The following NEXN variants were observed in gnomAD, a reference collection of about 807,000 sequenced individuals.
NEXN encodes the protein nexilin.
NEXN carries 65 observed loss-of-function variants against 92.6 expected under a neutral mutation model. The ratio of observed to expected loss-of-function variants is 0.70; its 90% CI spans 0.57 to 0.86. The LOEUF (loss-of-function observed/expected upper bound fraction) is 0.86. Among genes scored for constraint, NEXN ranks in the 40% least tolerant of loss-of-function variants. The probability of loss-of-function intolerance (pLI) is 0.00; values close to 1 mark genes in which losing one functional copy is unlikely to be tolerated. For synonymous variants in NEXN, 254 were observed against 242.5 expected (o/e 1.05, Z -0.44); for missense variants, 778 against 771.1 (o/e 1.01, Z -0.11).
chr1:77,925,191 G>A lies in NEXN; in HGVS notation c.451G>A (p.Glu151Lys). The change falls in exon 6 of 13, where the codon GAG becomes AAG. Residue 151 changes from glutamate to lysine, a missense_variant. Physicochemically the swap from Glu to Lys is moderately conservative, Grantham distance 56. Coordinates refer to ENST00000334785, the MANE Select transcript of NEXN (RefSeq NM_144573.4). ...RELAKRAEQI[E>K]DINNTGTESA... is the part of the protein sequence containing the mutation. ...ATATGAAATTCTCATTCAATAGATT[G>A]AGGACATAAACAATACGGGAACTGA... 1 of 1,593,936 alleles carries A rather than the reference G, an allele frequency of 6.3e-7. No individual in the cohort carries two copies. The highest frequency in any genetic ancestry group is 8.6e-7 in the Non-Finnish European group (1 of 1,163,998).
intron 1 of NEXN, among the ~76,000 whole-genome samples, chr1:77,895,110 T>A (rs1647200876): frequency 7.7e-6 from 1 of 129,196 alleles, no homozygotes; most frequent in Admixed American, 9.1e-5. Flanking sequence ...AGTGGCACAA[T>A]CTCAGCTCAC....
chr1:77,924,225 G>A, intron 5 of NEXN: 1 of 167,788 alleles, frequency 6.0e-6, no homozygotes, highest in Non-Finnish European at 1.3e-5. Flanking sequence ...AGCCAGGCGT[G>A]ATGGTGCACA....
intron 1 of NEXN, among the ~76,000 whole-genome samples, chr1:77,912,724 TG>T (rs1430941729): frequency 2.0e-5 from 3 of 152,346 alleles, no homozygotes; most frequent in Middle Eastern, 3.4e-3. Flanking sequence ...CAAATGGTGC[TG>T]GAACAACTGG....
At position 77,888,690 on chromosome 1, in the gene NEXN, A is replaced by C. The variant is rs1571047088; in HGVS notation, c.-122A>C. 1 of 156,402 alleles carries C rather than the reference A, an allele frequency of 6.4e-6. No homozygotes were observed. Among genetic ancestry groups the C allele is most frequent in the South Asian group, 1.6e-4 (1 of 6,162 alleles). The allele number at this position is 156,402 out of a possible 1,614,324, so 9.7% of individuals were successfully genotyped here. A position where few individuals can be genotyped will look rare whatever the true frequency, so the allele number is the denominator to read the frequency against. ...CCAGAGCTCCCAGACCCCTACCCACAGCCAGGCGGGACGCGCACAGTCCCT... is the reference window on the plus strand; with the variant it reads ...CCAGAGCTCCCAGACCCCTACCCACCGCCAGGCGGGACGCGCACAGTCCCT... On this transcript the variant is annotated 5_prime_UTR_variant, in exon 1 of 13. Coordinates refer to ENST00000334785, the MANE Select transcript of NEXN (RefSeq NM_144573.4).
At chr1:77,921,370 A>C (rs1011144474) in intron 5 of NEXN, among the ~76,000 whole-genome samples, 1 of 152,210 alleles carries the variant, frequency 6.6e-6, no homozygotes, top group Non-Finnish European at 1.5e-5. Flanking sequence ...AATAAAAGAA[A>C]GTTGAGTTAA....
At chr1:77,906,927 T>G (rs1236467073) in intron 1 of NEXN, among the ~76,000 whole-genome samples, 1 of 152,090 alleles carries the variant, frequency 6.6e-6, no homozygotes, top group Non-Finnish European at 1.5e-5. Context: ...GGATAACAAG[T>G]GTGAGCCATA....
rs772491358 is a variant in NEXN at position 77,933,322 on chromosome 1, C to G, written c.1094C>G (p.Ser365Cys). Residue 365 changes from serine to cysteine, a missense_variant, in exon 10 of 13, where the codon TCT becomes TGT. Ser to Cys is a moderately radical substitution (Grantham distance 112, BLOSUM62 -1). This residue lies in a region of NEXN where 532 missense variants were observed against 476.7 expected (regional missense o/e 1.12). Transcript: ENST00000334785. ...DDSPEMYKTISQEFLTPGKLE... is the reference protein window; with the variant it reads ...DDSPEMYKTICQEFLTPGKLE... The stretch of plus-strand genomic sequence containing the variant: ...TCCCCAGAGATGTATAAGACAATCT[C>G]TCAAGAATTTCTTACACCGGGAAAA... The G allele has an allele frequency of 6.2e-7, 1 of 1,608,092 alleles. No individual in the cohort carries two copies.
intron 11 of NEXN, among the ~76,000 whole-genome samples, chr1:77,937,856 G>A (rs1338302707): frequency 1.3e-5 from 2 of 152,146 alleles, no homozygotes; most frequent in Non-Finnish European, 2.9e-5. Flanking sequence ...ACAATTATCA[G>A]GTGGTTAACA....
rs181825949 is a variant in NEXN, at chr1:77,908,513, G to A, written c.-52-7542G>A. On this transcript the variant is annotated intron_variant, in intron 1 of 12. Transcript: ENST00000334785. Reference sequence around the variant, plus strand: ...CCTCCCGGGTTCAAGCAATTCTCCTGCCTCAGCCTCCCGAGTAGCTGGGAT... The same window carrying A: ...CCTCCCGGGTTCAAGCAATTCTCCTACCTCAGCCTCCCGAGTAGCTGGGAT... Among the ~76,000 whole-genome samples the A allele has an allele frequency of 2.7e-3, 409 of 149,210 alleles. 3 individuals carry two copies. The highest frequency in any genetic ancestry group is 0.01 in the East Asian group (51 of 5,034).
At chr1:77,910,635 C>T (rs1055932770) in intron 1 of NEXN, among the ~76,000 whole-genome samples, 3 of 150,876 alleles carry the variant, frequency 2.0e-5, no homozygotes, top group African/African-American at 7.3e-5. Context: ...CCTGTAGTCC[C>T]AGCTACTCGG....
intron 11 of NEXN, among the ~76,000 whole-genome samples, chr1:77,938,937 A>T (rs1651022488): frequency 6.6e-6 from 1 of 152,212 alleles, no homozygotes; most frequent in Non-Finnish European, 1.5e-5. Context: ...AGTTAATGAA[A>T]GTCTTTTTAA....
chr1:77,900,335 C>T (rs1389832694), intron 1 of NEXN, among the ~76,000 whole-genome samples: 1 of 152,184 alleles, frequency 6.6e-6, no homozygotes, highest in Non-Finnish European at 1.5e-5. Flanking sequence ...TCTTCCTTAA[C>T]CATACCATAG....
intron 11 of NEXN, 79 bp downstream of exon 11, chr1:77,936,123 TAA>T (rs1288832485): frequency 6.6e-6 from 7 of 1,066,638 alleles, no homozygotes; most frequent in South Asian, 1.4e-5. Context: ...GGCTTTGAAA[TAA>T]GTTTTAGTAC....
intron 1 of NEXN, among the ~76,000 whole-genome samples, chr1:77,908,968 C>A (rs1437462955): frequency 1.3e-5 from 2 of 151,830 alleles, no homozygotes; most frequent in Non-Finnish European, 2.9e-5. Context: ...AGTATGGAGG[C>A]CGTGGAAATA....
At chr1:77,927,191 C>T (rs932917670) in intron 8 of NEXN, among the ~76,000 whole-genome samples, 1 of 151,836 alleles carries the variant, frequency 6.6e-6, no homozygotes, top group Non-Finnish European at 1.5e-5. Flanking sequence ...ACGAGAATCA[C>T]TTGAACTTAG....
chr1:77,898,899 A>C (rs1249492068), intron 1 of NEXN, among the ~76,000 whole-genome samples: 3 of 152,240 alleles, frequency 2.0e-5, no homozygotes, highest in Non-Finnish European at 4.4e-5. Context: ...CAAAAAACAC[A>C]TGAAAAAATG....
intron 10 of NEXN, 33 bp from the exon 11 acceptor site, chr1:77,935,790 C>T (rs1557990730): frequency 3.8e-6 from 6 of 1,579,616 alleles, no homozygotes; most frequent in South Asian, 1.1e-5. Context: ...CTCTCAAAAA[C>T]AGCAGCAACA....
chr1:77,941,967 C>T (rs1421431359), intron 11 of NEXN, 56 bp from the exon 12 acceptor site: 41 of 1,535,400 alleles, frequency 2.7e-5, no homozygotes, highest in Non-Finnish European at 3.5e-5. Context: ...GAACTAGTAA[C>T]GCTTCTTTGT....
intron 11 of NEXN, among the ~76,000 whole-genome samples, chr1:77,941,082 G>A (rs969812411): frequency 2.6e-5 from 4 of 152,080 alleles, no homozygotes; most frequent in African/African-American, 4.8e-5. Context: ...TGAAACACCC[G>A]AACCAAGATT....
Sources: gnomAD v4.1 joint callset for allele counts (sites outside exome capture counted in the v4.1 genomes callset) on GRCh38, gnomAD v4.1.1 for gene constraint, gnomAD v4.1.1 regional missense constraint, MANE v1.5 for transcripts, NCBI Gene and HGNC (gene_info 2026-07-23, HGNC 2026-07-21) for gene names.